The following TRAPPC10 variants were observed in gnomAD, a reference collection of about 807,000 sequenced individuals.
TRAPPC10 encodes the protein TRAPP 130 kDa subunit.
Under a neutral mutation model 125.5 loss-of-function variants are expected in TRAPPC10, and 23 were observed. The observed-to-expected ratio is 0.18, with a 90% CI of 0.13 to 0.26. The LOEUF is 0.26. Among genes scored for constraint, TRAPPC10 ranks in the 10% least tolerant of loss-of-function variants. TRAPPC10 has a pLI of 1.00. For synonymous variants in TRAPPC10, 509 were observed against 518.0 expected, an observed-to-expected ratio of 0.98 and a Z score of 0.24; for missense variants, 1,123 against 1,308.4, an observed-to-expected ratio of 0.86 and a Z score of 2.19.
In TRAPPC10 at chr21:44,087,395, C is replaced by T. The variant is rs1336548482; in HGVS notation, c.2540-304C>T. ...CTGCTCCCCTGGGGTGGGGGTGGAT[C>T]TGCGGATGAGCTGGAACGGGAGAAA... On this transcript the variant is annotated intron_variant, in intron 16 of 22. Transcript: ENST00000291574. This position sits in a 1 kb window ranked among gnomAD's most constrained non-coding sequence, Gnocchi z 4.6. Among the ~76,000 whole-genome samples, 4 of 152,192 alleles carry T rather than the reference C, an allele frequency of 2.6e-5. No homozygotes were observed. Among genetic ancestry groups the T allele is most frequent in the Non-Finnish European group, 5.9e-5 (4 of 68,024 alleles).
chr21:44,059,606 A>G lies in TRAPPC10; in HGVS notation c.790+392A>G. 1 of 659,628 alleles carries G rather than the reference A, an allele frequency of 1.5e-6. No individual in the cohort carries two copies. Among genetic ancestry groups the G allele is most frequent in the Non-Finnish European group, 2.8e-6 (1 of 359,670 alleles). 40.9% of individuals were successfully genotyped at this position (659,628 alleles called of 1,614,324 possible). ...CTCGAGTGCTCATTGCTGTGAACTT[A>G]TAAAATGCCCTTGGGTGTTCATCTT... On this transcript the variant is annotated intron_variant, in intron 6 of 22. Transcript: ENST00000291574. This position sits in a 1 kb window ranked among gnomAD's most constrained non-coding sequence, Gnocchi z 4.4.
intron 7 of TRAPPC10, among the ~76,000 whole-genome samples, chr21:44,069,715 G>A (rs139333672): frequency 1.3e-5 from 2 of 152,272 alleles, no homozygotes; most frequent in African/African-American, 4.8e-5. Flanking sequence ...TGTGGCACCC[G>A]TGAGTCATTG....
chr21:44,039,638 G>A (rs540371343), intron 3 of TRAPPC10, among the ~76,000 whole-genome samples: 27 of 152,324 alleles, frequency 1.8e-4, no homozygotes, highest in African/African-American at 6.5e-4. Context: ...AGGCCAAGGC[G>A]GGTGGGTCAC....
At chr21:44,065,202 T>C (rs964506715) in intron 7 of TRAPPC10, among the ~76,000 whole-genome samples, 4 of 152,196 alleles carry the variant, frequency 2.6e-5, no homozygotes, top group Admixed American at 1.3e-4. Context: ...AGTTTTGTTA[T>C]TACCTTGTGG....
intron 3 of TRAPPC10, among the ~76,000 whole-genome samples, chr21:44,038,955 C>G (rs1269489629): frequency 1.3e-5 from 2 of 152,216 alleles, no homozygotes; most frequent in South Asian, 2.1e-4. Flanking sequence ...AGGTTTTCAC[C>G]AGGCTGCGCC....
At chr21:44,067,172 G>A (rs760851153) in intron 7 of TRAPPC10, among the ~76,000 whole-genome samples, 2 of 152,354 alleles carry the variant, frequency 1.3e-5, no homozygotes, top group African/African-American at 2.4e-5. Flanking sequence ...CGGAGGAACC[G>A]TGCATGGGAC....
intron 1 of TRAPPC10, among the ~76,000 whole-genome samples, chr21:44,018,523 A>AC (rs1198850735): frequency 6.6e-6 from 1 of 152,004 alleles, no homozygotes; most frequent in Non-Finnish European, 1.5e-5. Flanking sequence ...ACATGGTGAA[A>AC]CCCCGTCTCT....
intron 6 of TRAPPC10, among the ~76,000 whole-genome samples, chr21:44,061,290 C>T (rs1406183402): frequency 6.6e-6 from 1 of 152,196 alleles, no homozygotes; most frequent in Non-Finnish European, 1.5e-5. Context: ...GTGCCCGCCA[C>T]CAAGCCCGGC....
intron 3 of TRAPPC10, among the ~76,000 whole-genome samples, chr21:44,048,217 CCCTCT>C (rs1368964582): frequency 6.6e-6 from 1 of 152,184 alleles, no homozygotes; most frequent in African/African-American, 2.4e-5. Context: ...CTCACCATGT[CCCTCT>C]CCTCTCCTAA....
intron 15 of TRAPPC10, 98 bp from the exon 16 acceptor site, chr21:44,086,704 A>G (rs1433018887): frequency 1.5e-6 from 2 of 1,316,468 alleles, no homozygotes; most frequent in Non-Finnish European, 2.1e-6. Flanking sequence ...CAAATCTTTC[A>G]TAGTAAAAGA....
intron 7 of TRAPPC10, 76 bp from the exon 8 acceptor site, chr21:44,074,248 G>T (rs1280992492): frequency 2.5e-6 from 4 of 1,586,056 alleles, no homozygotes; most frequent in Middle Eastern, 2.3e-4. Context: ...GCACGTTCAA[G>T]CTAGAGCATG....
chr21:44,013,132 C>A (rs1223861801), intron 1 of TRAPPC10, among the ~76,000 whole-genome samples: 2 of 139,500 alleles, frequency 1.4e-5, no homozygotes, highest in African/African-American at 3.2e-5. Context: ...AAAGCCGAGG[C>A]TCGGGCGCTT....
At position 44,094,188 on chromosome 21, in the gene TRAPPC10, C is replaced by T; in HGVS notation, c.3123C>T (p.Ile1041=). The T allele has an allele frequency of 6.2e-7, 1 of 1,614,120 alleles. No homozygotes were observed. Among genetic ancestry groups the T allele is most frequent in the South Asian group, 1.1e-5 (1 of 91,072 alleles). ...CAGCTTCTGAGGAACAGCTGTCTATCTCCTTAAAGCCGTATACTTATGAAT... is the reference window on the plus strand; with the variant it reads ...CAGCTTCTGAGGAACAGCTGTCTATTTCCTTAAAGCCGTATACTTATGAAT... ...FSPASEEQLS[I]SLKPYTYEFK... The change falls in exon 20 of 23, where the codon ATC becomes ATT. Residue 1041 remains isoleucine, a synonymous_variant. Coordinates refer to ENST00000291574, the MANE Select transcript of TRAPPC10 (RefSeq NM_003274.5).
chr21:44,079,551 T>C lies in TRAPPC10; in HGVS notation c.1470-13T>C, dbSNP rs1402262572. 1.9e-6 allele frequency: 3 copies of C among 1,584,418 alleles called. No individual in the cohort carries two copies. The highest frequency in any genetic ancestry group is 2.6e-6 in the Non-Finnish European group (3 of 1,172,904). Reference sequence around the variant, plus strand: ...TAGCTGTAATGAAAGCTACTGTTTGTTGACTTTGCAAGGAGGAAAAAGGCT... The same window carrying C: ...TAGCTGTAATGAAAGCTACTGTTTGCTGACTTTGCAAGGAGGAAAAAGGCT... On this transcript the variant is annotated splice_polypyrimidine_tract_variant and intron_variant, in intron 11 of 22. Coordinates refer to ENST00000291574, the MANE Select transcript of TRAPPC10 (RefSeq NM_003274.5).
Position 44,048,796 on chromosome 21 carries a change from TG to T in TRAPPC10, c.286-3483del, listed in dbSNP as rs2035035769. Among the ~76,000 whole-genome samples, 4 of 138,254 alleles carry T rather than the reference TG, an allele frequency of 2.9e-5. No homozygotes were observed. In the South Asian group the frequency reaches 9.5e-4, roughly 33 times the overall value. The allele number at this position is 138,254 out of a possible 152,430, so 90.7% of individuals were successfully genotyped here. ...GGTGTGAGCCACCATGCCCACCCTG[TG>T]TTTTTTTTTTTTTTTTTTTTTGGTT... is the stretch of plus-strand genomic sequence containing the variant. On this transcript the variant is annotated intron_variant, in intron 3 of 22. Transcript: ENST00000291574.
At chr21:44,074,299 C>G in intron 7 of TRAPPC10, 25 bp from the exon 8 acceptor site, 2 of 1,613,098 alleles carry the variant, frequency 1.2e-6, no homozygotes, top group Non-Finnish European at 1.7e-6. Context: ...GCACCCCTCA[C>G]ACGTTCGCAT....
At chr21:44,049,474 C>G (rs1159469158) in intron 3 of TRAPPC10, among the ~76,000 whole-genome samples, 1 of 152,218 alleles carries the variant, frequency 6.6e-6, no homozygotes, top group South Asian at 2.1e-4. Context: ...CAGACTTCCT[C>G]CTCACCTCAC....
At chr21:44,047,565 T>TGTGTGTGTGTGTGTGTGTGTGTGTGTGC (rs954810521) in intron 3 of TRAPPC10, among the ~76,000 whole-genome samples, 107 of 147,184 alleles carry the variant, frequency 7.3e-4, no homozygotes, top group African/African-American at 1.9e-3. Flanking sequence ...TGTGTGTGTG[T>TGTGTGTGTGTGTGTGTGTGTGTGTGTGC]GCGCGCACAC....
chr21:44,044,429 C>G (rs1190773849), intron 3 of TRAPPC10, among the ~76,000 whole-genome samples: 1 of 151,230 alleles, frequency 6.6e-6, no homozygotes, highest in African/African-American at 2.4e-5. Context: ...TGCTTTAGGA[C>G]TTATAGAGTA....
Sources: gnomAD v4.1 joint callset for allele counts (sites outside exome capture counted in the v4.1 genomes callset) on GRCh38, gnomAD v4.1.1 for gene constraint, Gnocchi (gnomAD v3.1) non-coding constraint, MANE v1.5 for transcripts, NCBI Gene and HGNC (gene_info 2026-07-23, HGNC 2026-07-21) for gene names.